The following PDE6A variants were observed in gnomAD, a reference collection of about 807,000 sequenced individuals.
PDE6A encodes the protein rod cGMP-specific 3',5'-cyclic phosphodiesterase subunit alpha.
PDE6A carries 84 observed loss-of-function variants against 106.3 expected under a neutral mutation model. That is an observed-to-expected ratio of 0.79 (90% CI 0.66 to 0.95). The LOEUF is 0.95. PDE6A is among the 40% of genes least tolerant of loss of function. The pLI is 0.00. For synonymous variants in PDE6A, 394 were observed against 386.6 expected (o/e 1.02, Z -0.23); for missense variants, 1,052 against 1,084.9 (o/e 0.97, Z 0.43).
intron 19 of PDE6A, chr5:149,867,404 C>T: frequency 2.2e-6 from 1 of 454,538 alleles, no homozygotes; most frequent in Non-Finnish European, 4.1e-6. Flanking sequence ...GTCCACTTGC[C>T]AACCTCTAGG....
intron 5 of PDE6A, among the ~76,000 whole-genome samples, chr5:149,917,863 C>T (rs1032497963): frequency 2.0e-5 from 3 of 152,126 alleles, no homozygotes; most frequent in Non-Finnish European, 4.4e-5. Flanking sequence ...AGCATGGAAG[C>T]TAATTATATG....
At chr5:149,926,979 C>CAAAAAAAAAAAA (rs539891462) in intron 4 of PDE6A, among the ~76,000 whole-genome samples, 34 of 70,460 alleles carry the variant, frequency 4.8e-4, no homozygotes, top group African/African-American at 1.7e-3. Flanking sequence ...ACTCCGTCTC[C>CAAAAAAAAAAAA]AAAAAAAAAA....
At position 149,884,536 on chromosome 5, in the gene PDE6A, T is replaced by C. The variant is rs375608375; in HGVS notation, c.1970A>G (p.His657Arg). Residue 657 changes from histidine to arginine, a missense_variant, in exon 16 of 22, where the codon CAT becomes CGT. By Grantham distance (29) the His-to-Arg change is conservative. Transcript: ENST00000255266. Reference protein sequence around the residue: ...FQNLNRRQHEHAIHMMDIAII... With the variant: ...FQNLNRRQHERAIHMMDIAII... Reference sequence around the variant, plus strand: ...TGCAATGTCCATCATGTGGATGGCATGCTCATGCTGTCGACGATTGAGGTT... The same window carrying C: ...TGCAATGTCCATCATGTGGATGGCACGCTCATGCTGTCGACGATTGAGGTT... The C allele has an allele frequency of 2.5e-6, 4 of 1,613,866 alleles. No homozygotes were observed. The highest frequency in any genetic ancestry group is 3.4e-6 in the Non-Finnish European group (4 of 1,179,956).
intron 6 of PDE6A, among the ~76,000 whole-genome samples, chr5:149,909,379 G>A (rs1753302462): frequency 6.6e-6 from 1 of 152,160 alleles, no homozygotes; most frequent in Admixed American, 6.5e-5. Flanking sequence ...GCTTTGAGCT[G>A]GCTATGTTCC....
At position 149,932,122 on chromosome 5, in the gene PDE6A, G is replaced by A. The variant is rs111293803; in HGVS notation, c.718-954C>T. On this transcript the variant is annotated intron_variant, in intron 3 of 21. Transcript: ENST00000255266. ...TTCTCCTCGTCCGGAAGTTGTAGAC[G>A]TCTATTTAGTTTGATTATCTGTCGT... is the stretch of plus-strand genomic sequence containing the variant. The A allele has an allele frequency of 1.4e-3, 1,817 of 1,254,434 alleles. 15 individuals are homozygous for A. The African/African-American group carries it at 0.023, about 16-fold the overall frequency. 77.7% of individuals were successfully genotyped at this position (1,254,434 alleles called of 1,614,324 possible). A position where few individuals can be genotyped will look rare whatever the true frequency, so the allele number is the denominator to read the frequency against.
intron 13 of PDE6A, among the ~76,000 whole-genome samples, chr5:149,894,818 A>T (rs1395495724): frequency 1.3e-5 from 2 of 151,780 alleles, no homozygotes; most frequent in Non-Finnish European, 2.9e-5. Flanking sequence ...TTTAGTAGAG[A>T]TGGGGTTTCA....
intron 17 of PDE6A, among the ~76,000 whole-genome samples, chr5:149,877,553 G>A (rs1164340750): frequency 1.3e-5 from 2 of 152,098 alleles, no homozygotes; most frequent in East Asian, 3.9e-4. Context: ...GGGATTACAG[G>A]CACGCACCAC....
At chr5:149,893,040 T>C (rs533893552) in intron 13 of PDE6A, among the ~76,000 whole-genome samples, 41 of 152,302 alleles carry the variant, frequency 2.7e-4, no homozygotes, top group African/African-American at 9.6e-4. Context: ...TTTTATAAAC[T>C]CTGACGTGAC....
chr5:149,908,834 T>A (rs72830280), intron 6 of PDE6A, among the ~76,000 whole-genome samples: 7 of 151,924 alleles, frequency 4.6e-5, no homozygotes, highest in African/African-American at 1.7e-4. Context: ...CTGGGCAACA[T>A]AGGGGGACTC....
intron 17 of PDE6A, among the ~76,000 whole-genome samples, chr5:149,868,716 C>T (rs770848385): frequency 7.2e-5 from 11 of 152,186 alleles, no homozygotes; most frequent in Non-Finnish European, 1.5e-4. Context: ...AATTGCCCCA[C>T]GATGAGCTTT....
At chr5:149,907,131 T>C (rs1753222240) in intron 7 of PDE6A, among the ~76,000 whole-genome samples, 181 bp downstream of exon 7, 3 of 152,246 alleles carry the variant, frequency 2.0e-5, no homozygotes, top group South Asian at 2.1e-4. Context: ...TTTCCTCAAA[T>C]GTCAATTATC....
In PDE6A at chr5:149,933,950, A is replaced by G; in HGVS notation, c.697T>C (p.Cys233Arg). 1 of 1,613,490 alleles carries G rather than the reference A, an allele frequency of 6.2e-7. No individual in the cohort carries two copies. The highest frequency in any genetic ancestry group is 1.1e-5 in the South Asian group (1 of 90,986). Reference sequence around the variant, plus strand: ...CTTACCTGGCCACGTCGAGTTTCACAGTTGTGCAGGTAACTCAGGTGGTAC... The same window carrying G: ...CTTACCTGGCCACGTCGAGTTTCACGGTTGTGCAGGTAACTCAGGTGGTAC... Reference protein sequence around the residue: ...KVYHLSYLHNCETRRGQILLW... With the variant: ...KVYHLSYLHNRETRRGQILLW... The change falls in exon 3 of 22, where the codon TGT becomes CGT. Residue 233 changes from cysteine (C) to arginine (R), a missense_variant. Transcript: ENST00000255266.
chr5:149,905,685 C>T (rs1037454346), intron 7 of PDE6A, among the ~76,000 whole-genome samples: 2 of 152,170 alleles, frequency 1.3e-5, no homozygotes, highest in African/African-American at 2.4e-5. Context: ...TAGTGCCTGA[C>T]TCATGGTAAG....
intron 20 of PDE6A, among the ~76,000 whole-genome samples, chr5:149,865,345 G>A (rs1760291038): frequency 6.6e-6 from 1 of 151,740 alleles, no homozygotes; most frequent in South Asian, 2.1e-4. Flanking sequence ...GGGAGGTCAA[G>A]GCTGCTGTAA....
intron 2 of PDE6A, among the ~76,000 whole-genome samples, chr5:149,934,274 T>C (rs1754125296): frequency 6.6e-6 from 1 of 152,266 alleles, no homozygotes; most frequent in Non-Finnish European, 1.5e-5. Context: ...AGGTTGATAC[T>C]GAAAAATTAT....
intron 12 of PDE6A, among the ~76,000 whole-genome samples, 169 bp from the exon 13 acceptor site, chr5:149,895,459 C>G (rs910563729): frequency 6.6e-6 from 1 of 152,194 alleles, no homozygotes; most frequent in Non-Finnish European, 1.5e-5. Context: ...TAGATGCAAT[C>G]ATGCTGCGAA....
intron 13 of PDE6A, among the ~76,000 whole-genome samples, chr5:149,888,954 G>T (rs1053988225): frequency 2.0e-5 from 3 of 151,640 alleles, no homozygotes; most frequent in Admixed American, 2.0e-4. Flanking sequence ...ATGGTGGCGG[G>T]CGCCTGTAGT....
Position 149,940,528 on chromosome 5 carries a change from G to T in PDE6A, c.474+3672C>A, listed in dbSNP as rs544261043. The stretch of plus-strand genomic sequence containing the variant: ...TCCTTTTTTTTTTGGAGACAGTTTT[G>T]CTCTTGTTGCCCAGTCTGGAGTGCA... On this transcript the variant is annotated intron_variant, in intron 1 of 21. Coordinates refer to ENST00000255266, the MANE Select transcript of PDE6A (RefSeq NM_000440.3). 5.6e-3 allele frequency among the ~76,000 whole-genome samples: 580 copies of T among 104,236 alleles called. 2 individuals carry two copies. The highest frequency in any genetic ancestry group is 7.9e-3 in the South Asian group (23 of 2,912). 68.4% of individuals were successfully genotyped at this position (104,236 alleles called of 152,430 possible). A position where few individuals can be genotyped will look rare whatever the true frequency, so the allele number is the denominator to read the frequency against.
intron 17 of PDE6A, among the ~76,000 whole-genome samples, chr5:149,874,133 T>C (rs1760654488): frequency 6.6e-6 from 1 of 152,060 alleles, no homozygotes; most frequent in African/African-American, 2.4e-5. Context: ...GGGTTTTTCC[T>C]CACAACAAGC....
Sources: allele counts gnomAD v4.1 joint callset (sites outside exome capture counted in the v4.1 genomes callset), GRCh38; gene constraint gnomAD v4.1.1; transcripts MANE v1.5; gene names NCBI Gene and HGNC (gene_info 2026-07-23, HGNC 2026-07-21).